The following SPIN1 variants were observed in gnomAD, a reference collection of about 807,000 sequenced individuals.
SPIN1 encodes spindlin 1.
A neutral mutation model predicts 26.0 loss-of-function variants in SPIN1; 3 were observed. That is an observed-to-expected ratio of 0.12 (90% CI 0.05 to 0.30). SPIN1 has a LOEUF of 0.30. Ranked by LOEUF, SPIN1 falls within the 10% of genes least tolerant of loss-of-function variation. The pLI, the probability that SPIN1 is intolerant of heterozygous loss-of-function variation, is 1.00. For synonymous variants in SPIN1, 101 were observed against 116.5 expected (o/e 0.87, Z 0.86); for missense variants, 126 against 333.4 (o/e 0.38, Z 4.84).
At chr9:88,402,731 C>G (rs546619456) in intron 1 of SPIN1, among the ~76,000 whole-genome samples, 4 of 152,200 alleles carry the variant, frequency 2.6e-5, no homozygotes, top group South Asian at 2.1e-4. Flanking sequence ...TAGGTTGATT[C>G]TATATCTTTG....
chr9:88,437,555 CTG>C (rs1828031172), intron 2 of SPIN1, among the ~76,000 whole-genome samples: 2 of 151,680 alleles, frequency 1.3e-5, no homozygotes, highest in African/African-American at 4.8e-5. Flanking sequence ...CTATATATAT[CTG>C]TGTGCAGATT....
At chr9:88,410,642 T>C in intron 1 of SPIN1, 1 of 1,136,210 alleles carries the variant, frequency 8.8e-7, no homozygotes, top group Non-Finnish European at 1.3e-6. Context: ...GGGCCAGAGC[T>C]TCTGCCTCCA....
intron 5 of SPIN1, among the ~76,000 whole-genome samples, chr9:88,472,785 G>A (rs544368934): frequency 7.2e-5 from 11 of 152,294 alleles, no homozygotes; most frequent in African/African-American, 1.4e-4. Context: ...CACTGCGTCC[G>A]GCTCCACATT....
chr9:88,394,143 G>A (rs1393121358), intron 1 of SPIN1, among the ~76,000 whole-genome samples: 2 of 152,144 alleles, frequency 1.3e-5, no homozygotes, highest in African/African-American at 4.8e-5. Flanking sequence ...GCCACCATGT[G>A]TGGCTTTATC....
chr9:88,424,100 T>C (rs753163951), intron 1 of SPIN1, among the ~76,000 whole-genome samples: 8 of 152,124 alleles, frequency 5.3e-5, no homozygotes, highest in Non-Finnish European at 1.0e-4. Flanking sequence ...GATGGGACTA[T>C]GCTAGTGGTA....
chr9:88,398,578 T>C (rs1435673847), intron 1 of SPIN1, among the ~76,000 whole-genome samples: 2 of 152,034 alleles, frequency 1.3e-5, no homozygotes, highest in Non-Finnish European at 1.5e-5. Context: ...TTGTTGACTT[T>C]TATTTATTTA....
At chr9:88,449,883 C>T (rs1370755666) in intron 3 of SPIN1, among the ~76,000 whole-genome samples, 1 of 152,172 alleles carries the variant, frequency 6.6e-6, no homozygotes, top group Non-Finnish European at 1.5e-5. Flanking sequence ...CCCTTAGCCA[C>T]CACACTGTAA....
At chr9:88,431,749 C>T (rs569238319) in intron 2 of SPIN1, among the ~76,000 whole-genome samples, 1 of 152,244 alleles carries the variant, frequency 6.6e-6, no homozygotes, top group East Asian at 1.9e-4. Context: ...GGCTTTCAAT[C>T]TTCAGATTAA....
Position 88,448,944 on chromosome 9 carries a change from A to T in SPIN1, c.56A>T (p.His19Leu). 1 of 1,613,066 alleles carries T rather than the reference A, an allele frequency of 6.2e-7. No individual in the cohort carries two copies. The highest frequency in any genetic ancestry group is 8.5e-7 in the Non-Finnish European group (1 of 1,179,768). ...PGQRSRADAG[H>L]AGVSANMMKK... The stretch of plus-strand genomic sequence containing the variant: ...TATATACTCATCTCTCTTACAGGCC[A>T]TGCTGGAGTATCTGCCAACATGATG... The change falls in exon 3 of 6, where the codon CAT becomes CTT. Residue 19 changes from histidine to leucine, a missense_variant. His to Leu is a moderately conservative substitution (Grantham distance 99). Transcript: ENST00000375859.
At chr9:88,429,979 C>G (rs1347113421) in intron 2 of SPIN1, among the ~76,000 whole-genome samples, 1 of 152,056 alleles carries the variant, frequency 6.6e-6, no homozygotes, top group Non-Finnish European at 1.5e-5. Flanking sequence ...AGAAGTATAG[C>G]CTATTTTGGA....
At chr9:88,389,025 G>A (rs898009799) in intron 1 of SPIN1, among the ~76,000 whole-genome samples, 14 of 151,642 alleles carry the variant, frequency 9.2e-5, no homozygotes, top group African/African-American at 3.4e-4. Context: ...GGGAGGGGCG[G>A]GACCCCGGCG....
chr9:88,434,389 ATAGT>A (rs1827955435), intron 2 of SPIN1, among the ~76,000 whole-genome samples: 1 of 111,136 alleles, frequency 9.0e-6, no homozygotes, highest in Non-Finnish European at 1.7e-5. Flanking sequence ...AAATTATAAA[ATAGT>A]TTATTTTATA....
chr9:88,468,309 T>A, intron 4 of SPIN1, 63 bp from the exon 5 acceptor site: 1 of 1,231,070 alleles, frequency 8.1e-7, no homozygotes, highest in East Asian at 2.6e-5. Context: ...GTAAATTCAG[T>A]CTTCATAGTC....
chr9:88,440,825 T>C (rs577715498), intron 2 of SPIN1, among the ~76,000 whole-genome samples: 32 of 151,470 alleles, frequency 2.1e-4, no homozygotes, highest in Non-Finnish European at 4.0e-4. Context: ...GTGATCCACC[T>C]GCCTTGGCCT....
chr9:88,448,667 A>G (rs530163973), intron 2 of SPIN1, among the ~76,000 whole-genome samples: 1 of 152,262 alleles, frequency 6.6e-6, no homozygotes, highest in Non-Finnish European at 1.5e-5. Flanking sequence ...TTTTTCTTGT[A>G]GTTCTTGTCC....
intron 1 of SPIN1, among the ~76,000 whole-genome samples, chr9:88,418,617 A>T (rs915145139): frequency 1.3e-5 from 2 of 152,218 alleles, no homozygotes; most frequent in African/African-American, 4.8e-5. Context: ...GCAGCAGGCA[A>T]CAAATACTTT....
At chr9:88,465,025 C>T (rs1426493736) in intron 4 of SPIN1, among the ~76,000 whole-genome samples, 2 of 152,170 alleles carry the variant, frequency 1.3e-5, no homozygotes, top group Non-Finnish European at 2.9e-5. Flanking sequence ...TTGTGAGTAA[C>T]TTATTTCACT....
intron 1 of SPIN1, among the ~76,000 whole-genome samples, chr9:88,409,542 G>C (rs998154153): frequency 2.0e-5 from 3 of 151,624 alleles, no homozygotes; most frequent in African/African-American, 4.8e-5. Context: ...AGTTGAAATT[G>C]AGCTACACGA....
intron 2 of SPIN1, among the ~76,000 whole-genome samples, chr9:88,430,530 C>T (rs1264427598): frequency 6.6e-6 from 1 of 152,214 alleles, no homozygotes; most frequent in Non-Finnish European, 1.5e-5. Context: ...TTTAAAACTG[C>T]TACAGTGGTA....
Sources: allele counts gnomAD v4.1 joint callset (sites outside exome capture counted in the v4.1 genomes callset), GRCh38; gene constraint gnomAD v4.1.1; transcripts MANE v1.5; gene names NCBI Gene and HGNC (gene_info 2026-07-23, HGNC 2026-07-21).